The following NCAM1 variants were observed in gnomAD, a reference collection of about 807,000 sequenced individuals.
NCAM1 encodes antigen recognized by monoclonal antibody 5.1H11.
NCAM1 carries 14 observed loss-of-function variants against 109.8 expected under a neutral mutation model. The observed-to-expected ratio is 0.13, with a 90% CI of 0.08 to 0.20. The LOEUF is 0.20. Ranked by LOEUF, NCAM1 falls within the 10% of genes least tolerant of loss-of-function variation. The pLI is 1.00. For synonymous variants in NCAM1, 418 were observed against 442.9 expected (o/e 0.94, Z 0.70); for missense variants, 774 against 1,109.9 (o/e 0.70, Z 4.30).
intron 1 of NCAM1, among the ~76,000 whole-genome samples, chr11:113,173,630 T>C (rs1555106603): frequency 8.4e-6 from 1 of 119,094 alleles, no homozygotes; most frequent in African/African-American, 3.0e-5. Context: ...ATATATATTT[T>C]AGAGGGTGCA....
chr11:112,979,013 T>A (rs1940710), intron 1 of NCAM1, among the ~76,000 whole-genome samples: 45,947 of 151,450 alleles, frequency 0.3, 7,939 homozygotes, highest in East Asian at 0.67. Flanking sequence ...TTGGATTTTG[T>A]CTGTTGAACA....
intron 1 of NCAM1, among the ~76,000 whole-genome samples, chr11:113,012,637 C>A (rs1268689467): frequency 3.3e-5 from 5 of 152,172 alleles, no homozygotes; most frequent in Non-Finnish European, 5.9e-5. Context: ...CTTGGCATTC[C>A]TTGGCTGGCA....
intron 1 of NCAM1, among the ~76,000 whole-genome samples, chr11:113,129,650 T>C (rs111432884): frequency 6.0e-4 from 92 of 152,306 alleles, no homozygotes; most frequent in Middle Eastern, 3.4e-3. Flanking sequence ...GATCTTTCTC[T>C]ACTCATGCCA....
At chr11:113,086,787 G>T (rs1939110199) in intron 1 of NCAM1, among the ~76,000 whole-genome samples, 1 of 151,992 alleles carries the variant, frequency 6.6e-6, no homozygotes, top group Non-Finnish European at 1.5e-5. Flanking sequence ...CCAGCTTCTG[G>T]CAGAGTCTTT....
intron 1 of NCAM1, among the ~76,000 whole-genome samples, chr11:113,181,261 T>A (rs1943321348): frequency 2.0e-5 from 3 of 152,188 alleles, no homozygotes. Flanking sequence ...GGTTCCAAGC[T>A]GCCCACTCTC....
At chr11:113,058,093 G>A (rs1448901072) in intron 1 of NCAM1, among the ~76,000 whole-genome samples, 1 of 152,072 alleles carries the variant, frequency 6.6e-6, no homozygotes, top group Non-Finnish European at 1.5e-5. Flanking sequence ...GACCAGCCTG[G>A]CCAACATGGC....
At chr11:113,265,546 A>G (rs1285687508) in intron 17 of NCAM1, among the ~76,000 whole-genome samples, 3 of 152,214 alleles carry the variant, frequency 2.0e-5, no homozygotes, top group South Asian at 2.1e-4. Flanking sequence ...TACTATCCCT[A>G]ACAGAGGCTG....
At chr11:113,238,978 A>C (rs1945251196) in intron 14 of NCAM1, among the ~76,000 whole-genome samples, 1 of 152,196 alleles carries the variant, frequency 6.6e-6, no homozygotes, top group South Asian at 2.1e-4. Flanking sequence ...GTTCGTTGAG[A>C]TGTCTCAATA....
intron 16 of NCAM1, among the ~76,000 whole-genome samples, chr11:113,257,066 A>G (rs1945852304): frequency 1.3e-5 from 2 of 152,168 alleles, no homozygotes; most frequent in Non-Finnish European, 2.9e-5. Context: ...CCTTGTTCCC[A>G]CTTAATTTGT....
chr11:113,265,009 C>G (rs1946108689), intron 17 of NCAM1: 60 of 985,450 alleles, frequency 6.1e-5, no homozygotes, highest in Non-Finnish European at 6.7e-5. Flanking sequence ...TCCCCTGTGC[C>G]CTGTAGTTGT....
chr11:113,135,760 A>G (rs1941574697), intron 1 of NCAM1, among the ~76,000 whole-genome samples: 1 of 152,180 alleles, frequency 6.6e-6, no homozygotes, highest in Admixed American at 6.5e-5. Context: ...AGTTCCACTT[A>G]CCGATTAGAC....
intron 1 of NCAM1, among the ~76,000 whole-genome samples, chr11:113,016,004 G>GGAT (rs1555075219): frequency 1.3e-5 from 2 of 152,144 alleles, no homozygotes; most frequent in African/African-American, 4.8e-5. Flanking sequence ...AGCGGGATCA[G>GGAT]GATGATGGTG....
chr11:113,140,245 A>G (rs781986537), intron 1 of NCAM1, among the ~76,000 whole-genome samples: 1 of 152,150 alleles, frequency 6.6e-6, no homozygotes, highest in Non-Finnish European at 1.5e-5. Context: ...AGGGACTCAT[A>G]GAGCTCAGAG....
intron 1 of NCAM1, among the ~76,000 whole-genome samples, chr11:113,055,934 T>A (rs1953681108): frequency 1.5e-5 from 2 of 133,810 alleles, no homozygotes; most frequent in South Asian, 5.0e-4. Context: ...AGATATGGAA[T>A]GAAACTAAAT....
At chr11:113,098,678 T>A (rs1244711452) in intron 1 of NCAM1, among the ~76,000 whole-genome samples, 1 of 152,102 alleles carries the variant, frequency 6.6e-6, no homozygotes, top group African/African-American at 2.4e-5. Context: ...AAGGACTCCT[T>A]GAGGAGGGAC....
intron 1 of NCAM1, among the ~76,000 whole-genome samples, chr11:113,108,126 T>C (rs2135930270): frequency 6.6e-6 from 1 of 152,334 alleles, no homozygotes; most frequent in Non-Finnish European, 1.5e-5. Context: ...GATTAACTTA[T>C]AGGAATTTGG....
At chr11:112,975,636 A>T (rs977489881) in intron 1 of NCAM1, among the ~76,000 whole-genome samples, 2 of 151,962 alleles carry the variant, frequency 1.3e-5, no homozygotes, top group African/African-American at 4.8e-5. Context: ...TGTCATAATG[A>T]AGTAAAAAAG....
At chr11:113,104,548 T>C (rs1486160753) in intron 1 of NCAM1, among the ~76,000 whole-genome samples, 13 of 152,176 alleles carry the variant, frequency 8.5e-5, no homozygotes, top group Non-Finnish European at 1.8e-4. Flanking sequence ...TGCAGTGTTA[T>C]TGGGCTCTGG....
intron 1 of NCAM1, among the ~76,000 whole-genome samples, chr11:112,991,794 A>G (rs1204628224): frequency 6.6e-6 from 1 of 152,184 alleles, no homozygotes; most frequent in Non-Finnish European, 1.5e-5. Flanking sequence ...TGCATAATGA[A>G]ACATTTTATG....
Sources: allele counts gnomAD v4.1 joint callset (sites outside exome capture counted in the v4.1 genomes callset), GRCh38; gene constraint gnomAD v4.1.1; transcripts MANE v1.5; gene names NCBI Gene and HGNC (gene_info 2026-07-23, HGNC 2026-07-21).